ARFGEF1: variants seen among roughly 807,000 people sequenced by gnomAD.
ARFGEF1 encodes the protein brefeldin A-inhibited guanine nucleotide-exchange protein 1.
A neutral mutation model predicts 231.0 loss-of-function variants in ARFGEF1; 42 were observed. The ratio of observed to expected loss-of-function variants is 0.18; its 90% CI spans 0.14 to 0.24. The LOEUF (loss-of-function observed/expected upper bound fraction) is 0.24, where lower values mean the gene tolerates loss of function less well. Ranked by LOEUF, ARFGEF1 falls within the 10% of genes least tolerant of loss-of-function variation. The pLI is 1.00. For missense variants in ARFGEF1, 1,345 were observed against 2,192.0 expected, an observed-to-expected ratio of 0.61 and a Z score of 7.72; for synonymous variants, 710 against 732.3, an observed-to-expected ratio of 0.97 and a Z score of 0.49.
intron 1 of ARFGEF1, among the ~76,000 whole-genome samples, chr8:67,309,610 C>T (rs1311305095): frequency 6.6e-6 from 1 of 152,094 alleles, no homozygotes; most frequent in Admixed American, 6.6e-5. Context: ...CAAAGTGTAA[C>T]CTCTACTTAG....
intron 5 of ARFGEF1, among the ~76,000 whole-genome samples, chr8:67,183,703 T>G (rs1006681229): frequency 1.3e-5 from 2 of 152,112 alleles, no homozygotes; most frequent in African/African-American, 2.4e-5. Context: ...AAATGTAAAA[T>G]GCCAAACTCT....
intron 7 of ARFGEF1, among the ~76,000 whole-genome samples, chr8:67,283,614 T>C (rs569628961): frequency 8.5e-5 from 13 of 152,080 alleles, no homozygotes; most frequent in Non-Finnish European, 1.9e-4. Context: ...GTAAAATATA[T>C]CACAGAATCC....
rs1554647709 is a variant in ARFGEF1 at position 67,303,728 on chromosome 8, A to AT, written c.125-1263_125-1262insA. On this transcript the variant is annotated intron_variant, in intron 1 of 38. Coordinates refer to ENST00000262215, the MANE Select transcript of ARFGEF1 (RefSeq NM_006421.5). ...GACTCCATCTCTTAAAAAAAAAAAA[A>AT]AATAATAATTAATTAATATATTGGG... 1.9e-3 allele frequency among the ~76,000 whole-genome samples: 292 copies of AT among 151,588 alleles called. 4 individuals carry two copies. The highest frequency in any genetic ancestry group is 6.4e-3 in the African/African-American group (264 of 41,358).
At chr8:67,329,398 A>G (rs1443933611) in intron 1 of ARFGEF1, among the ~76,000 whole-genome samples, 1 of 151,678 alleles carries the variant, frequency 6.6e-6, no homozygotes, top group Non-Finnish European at 1.5e-5. Context: ...GCGTGGTGGC[A>G]GGTGCCTGTA....
intron 1 of ARFGEF1, among the ~76,000 whole-genome samples, chr8:67,303,532 G>A (rs530887818): frequency 3.5e-4 from 54 of 152,144 alleles, no homozygotes; most frequent in African/African-American, 1.2e-3. Context: ...CCAACGTGGT[G>A]AAACATCGTC....
At chr8:67,324,431 C>T (rs1185690386) in intron 1 of ARFGEF1, among the ~76,000 whole-genome samples, 1 of 152,202 alleles carries the variant, frequency 6.6e-6, no homozygotes, top group Admixed American at 6.5e-5. Context: ...TCTCTATGCT[C>T]ATACAATTAG....
Position 67,238,362 on chromosome 8 carries a change from T to C in ARFGEF1, c.3270A>G (p.Glu1090=), listed in dbSNP as rs996116653. ...LTGTKDQAPD[E]FVGLGLVGGN... ...TCTCACCTAGCCCTAAACCCACAAA[T>C]TCATCAGGAGCCTGATCTTTTGTTC... Residue 1090 remains glutamate, a synonymous_variant, in exon 22 of 39, where the codon GAA becomes GAG. Coordinates refer to ENST00000262215, the MANE Select transcript of ARFGEF1 (RefSeq NM_006421.5). 6.2e-7 allele frequency: 1 copy of C among 1,607,354 alleles called. No individual in the cohort carries two copies. The highest frequency in any genetic ancestry group is 1.3e-5 in the African/African-American group (1 of 74,478).
chr8:67,216,525 G>A, intron 33 of ARFGEF1, 65 bp downstream of exon 33: 1 of 1,373,104 alleles, frequency 7.3e-7, no homozygotes. Flanking sequence ...GTAAGAATTT[G>A]ACCCATAATA....
At chr8:67,315,301 C>T (rs116848953) in intron 1 of ARFGEF1, among the ~76,000 whole-genome samples, 17 of 152,202 alleles carry the variant, frequency 1.1e-4, no homozygotes, top group Non-Finnish European at 2.1e-4. Context: ...GACAAATCTG[C>T]TATTTTAGCT....
At chr8:67,196,567 T>C (rs529679245), downstream of ARFGEF1, among the ~76,000 whole-genome samples, 5 of 152,342 alleles carry the variant, frequency 3.3e-5, no homozygotes, top group Non-Finnish European at 7.3e-5. Flanking sequence ...TAACGGTTGG[T>C]AGACAATATC....
intron 1 of ARFGEF1, among the ~76,000 whole-genome samples, chr8:67,310,353 C>T (rs1287703430): frequency 2.6e-5 from 4 of 152,166 alleles, no homozygotes; most frequent in Non-Finnish European, 5.9e-5. Context: ...CCAGCCTCAG[C>T]CTCCCGAGGT....
chr8:67,304,626 A>G (rs1419420651), intron 1 of ARFGEF1, among the ~76,000 whole-genome samples: 1 of 152,216 alleles, frequency 6.6e-6, no homozygotes, highest in East Asian at 1.9e-4. Context: ...CAGGAATTTG[A>G]GACCAGCCTG....
intron 4 of ARFGEF1, 22 bp downstream of exon 4, chr8:67,299,187 T>C (rs905683911): frequency 1.3e-6 from 2 of 1,507,618 alleles, no homozygotes; most frequent in African/African-American, 2.8e-5. Context: ...TTAATAACAA[T>C]TTTACTTTAT....
intron 5 of ARFGEF1, among the ~76,000 whole-genome samples, chr8:67,187,541 C>T (rs921254387): frequency 2.0e-5 from 3 of 151,938 alleles, no homozygotes; most frequent in East Asian, 1.9e-4. Flanking sequence ...TTAAATTAGC[C>T]GATGTGGTGG....
chr8:67,218,182 T>G, intron 30 of ARFGEF1, 44 bp from the exon 31 acceptor site: 1 of 809,852 alleles, frequency 1.2e-6, no homozygotes, highest in Non-Finnish European at 1.6e-6. Context: ...ATTAATCAAC[T>G]ACTATGATTA....
rs775118382 is a variant in ARFGEF1, at chr8:67,257,753, G to T, written c.2505C>A (p.Thr835=). The T allele has an allele frequency of 7.5e-6, 12 of 1,608,788 alleles. No individual in the cohort carries two copies. The highest frequency in any genetic ancestry group is 1.0e-5 in the Non-Finnish European group (12 of 1,177,828). ...YVLAYSIIML[T]TDLHSPQVKN... ...ATACCTGTGGACTGTGAAGGTCTGTGGTCAACATGATAATTGAATAAGCCA... is the reference window on the plus strand; with the variant it reads ...ATACCTGTGGACTGTGAAGGTCTGTTGTCAACATGATAATTGAATAAGCCA... Residue 835 remains threonine, a synonymous_variant, in exon 17 of 39, where the codon ACC becomes ACA. Coordinates refer to ENST00000262215, the MANE Select transcript of ARFGEF1 (RefSeq NM_006421.5).
In ARFGEF1 at chr8:67,238,757, T is replaced by C. The variant is rs375079762; in HGVS notation, c.3116A>G (p.Tyr1039Cys). ...TACCTCATGCCATGAATTTCCTAAA[T>C]AATTTCCATCTGTATGAGCCACTGT... Reference protein sequence around the residue: ...LITVAHTDGNYLGNSWHEILK... With the variant: ...LITVAHTDGNCLGNSWHEILK... Residue 1039 changes from tyrosine to cysteine, a missense_variant, in exon 21 of 39, where the codon TAT becomes TGT. Transcript: ENST00000262215. 2 of 1,613,776 alleles carry C rather than the reference T, an allele frequency of 1.2e-6. No individual in the cohort carries two copies. The highest frequency in any genetic ancestry group is 1.7e-6 in the Non-Finnish European group (2 of 1,179,846).
intron 1 of ARFGEF1, among the ~76,000 whole-genome samples, chr8:67,325,408 A>G (rs1429280422): frequency 6.6e-6 from 1 of 152,078 alleles, no homozygotes; most frequent in African/African-American, 2.4e-5. Context: ...ATACTTTCTC[A>G]TCTCACCAGT....
chr8:67,339,790 T>TGGGGTGGGGGGG (rs1479485264), intron 1 of ARFGEF1, among the ~76,000 whole-genome samples: 1 of 422 alleles, frequency 2.4e-3, no homozygotes, highest in African/African-American at 4.9e-3. Context: ...TGTAACAGTG[T>TGGGGTGGGGGGG]GGGGCGGGGG....
Sources: allele counts gnomAD v4.1 joint callset (sites outside exome capture counted in the v4.1 genomes callset), GRCh38; gene constraint gnomAD v4.1.1; transcripts MANE v1.5; gene names NCBI Gene and HGNC (gene_info 2026-07-23, HGNC 2026-07-21).